DPP10: variants seen among roughly 807,000 people sequenced by gnomAD.
DPP10 encodes the protein inactive dipeptidyl peptidase 10.
Under a neutral mutation model 120.9 loss-of-function variants are expected in DPP10, and 33 were observed. The ratio of observed to expected loss-of-function variants is 0.27; its 90% CI spans 0.21 to 0.37. The LOEUF (loss-of-function observed/expected upper bound fraction) is 0.37. Ranked by LOEUF, DPP10 falls within the 10% of genes least tolerant of loss-of-function variation. The pLI, the probability that DPP10 is intolerant of heterozygous loss-of-function variation, is 1.00. For synonymous variants in DPP10, 337 were observed against 326.1 expected (o/e 1.03, Z -0.36); for missense variants, 816 against 942.8 (o/e 0.87, Z 1.76).
intron 7 of DPP10, among the ~76,000 whole-genome samples, chr2:115,699,022 GA>G (rs758818861): frequency 6.4e-4 from 25 of 39,196 alleles, no homozygotes; most frequent in African/African-American, 2.2e-3. Flanking sequence ...TAGCTTGACT[GA>G]AAAAAAAAAA....
At chr2:115,504,751 A>T (rs2076858091) in intron 4 of DPP10, among the ~76,000 whole-genome samples, 1 of 152,046 alleles carries the variant, frequency 6.6e-6, no homozygotes, top group South Asian at 2.1e-4. Context: ...GGCTCTTCAA[A>T]ATTTTCTGTA....
At chr2:114,996,513 T>A (rs1453410118) in intron 1 of DPP10, among the ~76,000 whole-genome samples, 2 of 150,968 alleles carry the variant, frequency 1.3e-5, no homozygotes, top group African/African-American at 2.5e-5. Context: ...CAAGTTTTAA[T>A]TTTTTTTAAT....
chr2:115,609,340 GA>G (rs957924508), intron 5 of DPP10, among the ~76,000 whole-genome samples: 1 of 151,548 alleles, frequency 6.6e-6, no homozygotes, highest in South Asian at 2.1e-4. Context: ...TATGTTGCGG[GA>G]AAAAAAAGGA....
At chr2:114,560,795 C>T (rs1224610679) in intron 1 of DPP10, among the ~76,000 whole-genome samples, 1 of 152,116 alleles carries the variant, frequency 6.6e-6, no homozygotes, top group Non-Finnish European at 1.5e-5. Flanking sequence ...TTCTATCATG[C>T]CTCTAATAAA....
At chr2:115,763,906 C>T (rs925908661) in intron 12 of DPP10, among the ~76,000 whole-genome samples, 1 of 152,162 alleles carries the variant, frequency 6.6e-6, no homozygotes, top group Non-Finnish European at 1.5e-5. Context: ...AGTCTAGCTA[C>T]ATGGACCCTC....
chr2:115,493,577 G>A (rs1424283102), intron 3 of DPP10, among the ~76,000 whole-genome samples: 2 of 151,130 alleles, frequency 1.3e-5, no homozygotes, highest in East Asian at 3.9e-4. Context: ...TAGCAATTGA[G>A]AGGAAAGAGC....
At chr2:115,684,915 T>A (rs910356469) in intron 5 of DPP10, among the ~76,000 whole-genome samples, 1 of 151,974 alleles carries the variant, frequency 6.6e-6, no homozygotes, top group Non-Finnish European at 1.5e-5. Context: ...GATCTTTGAA[T>A]AGTGGCTTAA....
intron 1 of DPP10, among the ~76,000 whole-genome samples, chr2:114,553,127 G>A (rs886668523): frequency 8.5e-5 from 13 of 152,118 alleles, no homozygotes; most frequent in African/African-American, 2.4e-4. Flanking sequence ...TTTGTTAATA[G>A]GCTGTTTGGT....
In DPP10 at chr2:115,184,875, G is replaced by A. The variant is rs549697092; in HGVS notation, c.61-124364G>A. On this transcript the variant is annotated intron_variant, in intron 1 of 25. Transcript: ENST00000410059. Reference sequence around the variant, plus strand: ...CTAAGTAATATTTTCCTGAGAAACAGTTATGAAAAATGAATAATAGCATTT... The same window carrying A: ...CTAAGTAATATTTTCCTGAGAAACAATTATGAAAAATGAATAATAGCATTT... Among the ~76,000 whole-genome samples the A allele has an allele frequency of 3.3e-5, 5 of 152,258 alleles. No homozygotes were observed. In the South Asian group the frequency reaches 8.3e-4, roughly 25 times the overall value.
intron 5 of DPP10, among the ~76,000 whole-genome samples, chr2:115,548,970 G>A (rs537770546): frequency 4.6e-5 from 7 of 152,108 alleles, no homozygotes; most frequent in Admixed American, 2.6e-4. Flanking sequence ...TTGAAGCCCC[G>A]GTTATCTTTG....
chr2:115,116,541 C>T (rs1244724872), intron 1 of DPP10, among the ~76,000 whole-genome samples: 1 of 152,068 alleles, frequency 6.6e-6, no homozygotes, highest in Non-Finnish European at 1.5e-5. Flanking sequence ...TCCAAGACTA[C>T]CTTTTGTTAG....
At chr2:114,470,606 T>G (rs1047183877) in intron 1 of DPP10, among the ~76,000 whole-genome samples, 3 of 152,230 alleles carry the variant, frequency 2.0e-5, no homozygotes, top group African/African-American at 7.2e-5. Flanking sequence ...TTTCCTTGAT[T>G]GAACTGGTGT....
chr2:115,366,749 C>T (rs2065101475), intron 3 of DPP10, among the ~76,000 whole-genome samples: 1 of 152,036 alleles, frequency 6.6e-6, no homozygotes, highest in African/African-American at 2.4e-5. Context: ...TGCCTAGCTC[C>T]CAGCTCACTT....
At chr2:114,673,952 A>G (rs1039659927) in intron 1 of DPP10, among the ~76,000 whole-genome samples, 11 of 152,250 alleles carry the variant, frequency 7.2e-5, no homozygotes, top group African/African-American at 2.6e-4. Context: ...ATGTCTCAGG[A>G]AACAAGGGAT....
At chr2:114,598,773 G>T (rs538995766) in intron 1 of DPP10, among the ~76,000 whole-genome samples, 1 of 151,890 alleles carries the variant, frequency 6.6e-6, no homozygotes. Flanking sequence ...TTCATTGGGG[G>T]CAGAATCTGG....
intron 1 of DPP10, among the ~76,000 whole-genome samples, chr2:115,053,977 G>A (rs1705702540): frequency 6.6e-6 from 1 of 152,148 alleles, no homozygotes; most frequent in African/African-American, 2.4e-5. Flanking sequence ...TGGCTTGGGG[G>A]AAGGAAGGTA....
intron 8 of DPP10, among the ~76,000 whole-genome samples, chr2:115,731,186 C>T (rs1462491064): frequency 1.3e-5 from 2 of 151,930 alleles, no homozygotes; most frequent in African/African-American, 2.4e-5. Flanking sequence ...GGTGAAACCC[C>T]GTCTCTACTA....
chr2:115,460,753 G>T (rs577274844), intron 3 of DPP10, among the ~76,000 whole-genome samples: 116 of 152,274 alleles, frequency 7.6e-4, no homozygotes, highest in African/African-American at 2.6e-3. Context: ...TCTGGCTACT[G>T]CCAGGTCTTG....
At chr2:114,975,191 G>A (rs913387821) in intron 1 of DPP10, among the ~76,000 whole-genome samples, 2 of 151,564 alleles carry the variant, frequency 1.3e-5, no homozygotes, top group Admixed American at 6.6e-5. Context: ...GGCGACAGGC[G>A]CATGCCACCA....
Sources: gnomAD v4.1 joint callset for allele counts (sites outside exome capture counted in the v4.1 genomes callset) on GRCh38, gnomAD v4.1.1 for gene constraint, MANE v1.5 for transcripts, NCBI Gene and HGNC (gene_info 2026-07-23, HGNC 2026-07-21) for gene names.